Variants in FLNA observed in about 807,000 individuals in gnomAD.
The protein encoded by FLNA is filamin A.
FLNA carries 7 observed loss-of-function variants against 157.6 expected under a neutral mutation model. The ratio of observed to expected loss-of-function variants is 0.04; its 90% CI spans 0.03 to 0.08. FLNA has a LOEUF of 0.08. Among genes scored for constraint, FLNA ranks in the 10% least tolerant of loss-of-function variants. The pLI is 1.00. For missense variants in FLNA, 1,750 were observed against 2,398.4 expected, an observed-to-expected ratio of 0.73 and a Z score of 5.65; for synonymous variants, 1,103 against 1,060.8, an observed-to-expected ratio of 1.04 and a Z score of -0.77.
In FLNA at chrX:154,351,038, A is replaced by G; in HGVS notation, c.7027T>C (p.Ser2343Pro). The stretch of plus-strand genomic sequence containing the variant: ...GCTGGCTGGTTGACCTTTAGCCCTG[A>G]CTCCTGGAAGCACAGCAGACATGGT... ...RRLTVSSLQE[S>P]GLKVNQPASF... Residue 2343 changes from serine (S) to proline (P), a missense_variant, in exon 44 of 48, where the codon TCA becomes CCA. Ser to Pro is a moderately conservative substitution (Grantham distance 74, BLOSUM62 -1). This residue lies in a region of FLNA where 970 missense variants were observed against 1,302.6 expected (regional missense o/e 0.74). Transcript: ENST00000369850. 8.3e-7 allele frequency: 1 copy of G among 1,210,229 alleles called. No homozygotes were observed.
chrX:154,350,047 C>T lies in FLNA; in HGVS notation c.7317G>A (p.Leu2439=). The change falls in exon 45 of 48, where the codon CTG becomes CTA. Residue 2439 remains leucine (L), a synonymous_variant. Transcript: ENST00000369850. ...CAGACTTACCTGTGACACCGCCTTC[C>T]AGACCTGCTCCGTAAGCAGACACCA... ...PGLVSAYGAG[L]EGGVTGNPAE... 1 of 1,211,874 alleles carries T rather than the reference C, an allele frequency of 8.3e-7. No individual in the cohort carries two copies. The highest frequency in any genetic ancestry group is 1.1e-6 in the Non-Finnish European group (1 of 895,491).
chrX:154,364,241 C>T lies in FLNA; in HGVS notation c.2136+18G>A. ...GTGCCCACACCTGCCCTGCCCCCAACACCCGTGGGTGCTCTACCTGGACTT... is the reference window on the plus strand; with the variant it reads ...GTGCCCACACCTGCCCTGCCCCCAATACCCGTGGGTGCTCTACCTGGACTT... On this transcript the variant is annotated intron_variant, in intron 14 of 47. Transcript: ENST00000369850. 3 of 1,208,017 alleles carry T rather than the reference C, an allele frequency of 2.5e-6. 1 individual carries two copies. In the South Asian group the frequency reaches 5.3e-5, roughly 21 times the overall value.
rs1557179393 is a variant in FLNA at position 154,366,798 on chromosome X, C to T, written c.921G>A (p.Glu307=). The T allele has an allele frequency of 8.3e-7, 1 of 1,210,600 alleles. No homozygotes were observed. The highest frequency in any genetic ancestry group is 1.7e-5 in the African/African-American group (1 of 57,435). ...CCTCTCCCTGGCCAGCACTTCTGGT[C>T]TCCACAGTGAACTCTGCCCGCTTCT... ...MVKKRAEFTV[E]TRSAGQGEVL... Residue 307 remains glutamate, a synonymous_variant, in exon 6 of 48, where the codon GAG becomes GAA. Transcript: ENST00000369850.
intron 47 of FLNA, 61 bp from the exon 48 acceptor site, chrX:154,349,097 C>T: frequency 3.7e-6 from 4 of 1,075,621 alleles, no homozygotes; most frequent in Non-Finnish European, 3.8e-6. Context: ...TGGTGTCCTG[C>T]TCTCCTCTCC....
At position 154,366,013 on chromosome X, in the gene FLNA, G is replaced by A; in HGVS notation, c.1429+11C>T. On this transcript the variant is annotated intron_variant, in intron 9 of 47. Coordinates refer to ENST00000369850, the MANE Select transcript of FLNA (RefSeq NM_001110556.2). ...AGTGCCACAGCAGAGGGCAGTCAGG[G>A]CCGGGCCTACCTTGGCCAACAGTGA... 1.7e-6 allele frequency: 2 copies of A among 1,192,722 alleles called. No individual in the cohort carries two copies. Among genetic ancestry groups the A allele is most frequent in the Non-Finnish European group, 2.3e-6 (2 of 884,190 alleles).
rs886039148 is a variant in FLNA, at chrX:154,349,510, G to A, written c.7608C>T (p.Asp2536=). The A allele has an allele frequency of 8.2e-7, 1 of 1,212,407 alleles. No homozygotes were observed. The highest frequency in any genetic ancestry group is 1.8e-5 in the South Asian group (1 of 57,070). Residue 2536 remains aspartate, a synonymous_variant, in exon 47 of 48, where the codon GAC becomes GAT. Transcript: ENST00000369850. The part of the protein sequence containing the change: ...SLHETSSVFV[D]SLTKATCAPQ... Reference sequence around the variant, plus strand: ...GGGCACAGGTGGCCTTGGTCAGAGAGTCTACAAACACTGATGATGTCTCGT... The same window carrying A: ...GGGCACAGGTGGCCTTGGTCAGAGAATCTACAAACACTGATGATGTCTCGT...
rs2067712757 is a variant in FLNA at position 154,361,720 on chromosome X, A to G, written c.2894T>C (p.Val965Ala). The G allele has an allele frequency of 8.3e-7, 1 of 1,208,835 alleles. No homozygotes were observed. Among genetic ancestry groups the G allele is most frequent in the Non-Finnish European group, 1.1e-6 (1 of 894,578 alleles). The change falls in exon 20 of 48, where the codon GTA (valine) becomes GCA (alanine). Residue 965 changes from valine to alanine, a missense_variant. By Grantham distance (64) the Val-to-Ala change is moderately conservative. This residue lies in a region of FLNA where 648 missense variants were observed against 805.8 expected (regional missense o/e 0.80). Coordinates refer to ENST00000369850, the MANE Select transcript of FLNA (RefSeq NM_001110556.2). ...CTTGCTGAGGTCCAGGCTTGGAGAT[A>G]CTGCCACTGAGAAAGGGCTCTTAGG... is the stretch of plus-strand genomic sequence containing the variant. The part of the protein sequence containing the change: ...PIPKSPFSVA[V>A]SPSLDLSKIK...
At position 154,357,236 on chromosome X, in the gene FLNA, C is replaced by A; in HGVS notation, c.4969+15G>T. The stretch of plus-strand genomic sequence containing the variant: ...GCAGGAGGGGCATTGGGAGTGGCCC[C>A]AGCAAGCAGCTTACCTAGCCCGTGA... On this transcript the variant is annotated intron_variant, in intron 30 of 47. Transcript: ENST00000369850. 8.3e-7 allele frequency: 1 copy of A among 1,208,730 alleles called. No homozygotes were observed. The highest frequency in any genetic ancestry group is 1.1e-6 in the Non-Finnish European group (1 of 893,167).
Position 154,349,804 on chromosome X carries a change from A to G in FLNA, c.7397T>C (p.Ile2466Thr). 2 of 1,211,527 alleles carry G rather than the reference A, an allele frequency of 1.7e-6. No homozygotes were observed. Among genetic ancestry groups the G allele is most frequent in the Non-Finnish European group, 1.1e-6 (1 of 895,433 alleles). The change falls in exon 46 of 48, where the codon ATT (isoleucine) becomes ACT (threonine). Residue 2466 changes from isoleucine to threonine, a missense_variant. Physicochemically the swap from Ile to Thr is moderately conservative, Grantham distance 89. This residue lies in a region of FLNA where 970 missense variants were observed against 1,302.6 expected (regional missense o/e 0.74). Transcript: ENST00000369850. ...NAGAGALSVT[I>T]DGPSKVKMDC... Reference sequence around the variant, plus strand: ...CATCTTCACCTTGGAGGGGCCGTCAATGGTCACCGACAGGGCACCAGCTCC... The same window carrying G: ...CATCTTCACCTTGGAGGGGCCGTCAGTGGTCACCGACAGGGCACCAGCTCC...
Position 154,358,186 on chromosome X carries a change from G to C in FLNA, c.4755+13C>G. On this transcript the variant is annotated intron_variant, in intron 28 of 47. Transcript: ENST00000369850. ...AGGCCCCCCTGCCTCCCCTGCCTGT[G>C]CCCGGAGCTCACCGTGATCTGGACA... 1 of 1,209,120 alleles carries C rather than the reference G, an allele frequency of 8.3e-7. No individual in the cohort carries two copies. Among genetic ancestry groups the C allele is most frequent in the Non-Finnish European group, 1.1e-6 (1 of 894,602 alleles).
chrX:154,366,877 G>A (rs2067766410), intron 5 of FLNA, 27 bp from the exon 6 acceptor site: 9 of 1,132,143 alleles, frequency 7.9e-6, no homozygotes, highest in African/African-American at 5.4e-5. Context: ...AGCCAACCAC[G>A]GGCCAGCTGT....
At position 154,368,044 on chromosome X, in the gene FLNA, G is replaced by A; in HGVS notation, c.420C>T (p.Leu140=). The A allele has an allele frequency of 8.3e-7, 1 of 1,207,132 alleles. No homozygotes were observed. Among genetic ancestry groups the A allele is most frequent in the South Asian group, 1.8e-5 (1 of 56,864 alleles). Reference sequence around the variant, plus strand: ...AGTAGTGCAGGATCAGGGTCCAGATGAGGCCCAGGATCAGCTTCAGGTTCC... The same window carrying A: ...AGTAGTGCAGGATCAGGGTCCAGATAAGGCCCAGGATCAGCTTCAGGTTCC... ...VDGNLKLILG[L]IWTLILHYSI... is the part of the protein sequence containing the mutation. The change falls in exon 3 of 48, where the codon CTC becomes CTT. Residue 140 remains leucine (L), a synonymous_variant. Coordinates refer to ENST00000369850, the MANE Select transcript of FLNA (RefSeq NM_001110556.2).
intron 29 of FLNA, 53 bp from the exon 30 acceptor site, chrX:154,357,327 G>T: frequency 8.4e-7 from 1 of 1,197,271 alleles, no homozygotes. Flanking sequence ...TCACTCAAGG[G>T]GGCGGCCCCC....
chrX:154,370,804 G>A (rs1210315191), intron 2 of FLNA, 69 bp downstream of exon 2: 103 of 1,137,613 alleles, frequency 9.1e-5, no homozygotes, highest in Admixed American at 1.2e-4. Flanking sequence ...GGAGGGGTCC[G>A]CCCGGGGAGA....
rs1372534784 is a variant in FLNA at position 154,351,263 on chromosome X, A to G, written c.7024-222T>C. 5.5e-5 allele frequency: 25 copies of G among 456,553 alleles called. 1 individual carries two copies. In the South Asian group the frequency reaches 6.6e-4, roughly 12 times the overall value. 37.6% of individuals were successfully genotyped at this position (456,553 alleles called of 1,213,427 possible). The stretch of plus-strand genomic sequence containing the variant: ...CCGTCGCACACACCCAGGTGGCAGG[A>G]AGGGAGGGCTGCCCCACCCTGTGGG... On this transcript the variant is annotated intron_variant, in intron 43 of 47. Coordinates refer to ENST00000369850, the MANE Select transcript of FLNA (RefSeq NM_001110556.2).
chrX:154,361,128 G>A (rs2067707245), intron 21 of FLNA, among the ~76,000 whole-genome samples, 180 bp downstream of exon 21: 1 of 96,930 alleles, frequency 1.0e-5, no homozygotes, highest in Non-Finnish European at 2.1e-5. Context: ...GACTTTTTGT[G>A]GGTTTCTATT....
intron 35 of FLNA, 83 bp downstream of exon 35, chrX:154,353,832 C>A (rs1557176298): frequency 8.3e-7 from 1 of 1,197,709 alleles, no homozygotes. Flanking sequence ...GAGCCCCATT[C>A]AGGAGTATCT....
Position 154,358,519 on chromosome X carries a change from G to T in FLNA, c.4524C>A (p.Thr1508=). ...DVVDNADGTQ[T]VNYVPSREGP... is the part of the protein sequence containing the mutation. Reference sequence around the variant, plus strand: ...CTTCTCGGCTGGGCACATAATTGACGGTCTGGGTGCCATCAGCGTTGTCTA... The same window carrying T: ...CTTCTCGGCTGGGCACATAATTGACTGTCTGGGTGCCATCAGCGTTGTCTA... Residue 1508 remains threonine (T), a synonymous_variant, in exon 27 of 48, where the codon ACC becomes ACA. Coordinates refer to ENST00000369850, the MANE Select transcript of FLNA (RefSeq NM_001110556.2). The T allele has an allele frequency of 1.7e-6, 2 of 1,209,420 alleles. No homozygotes were observed. Among genetic ancestry groups the T allele is most frequent in the Non-Finnish European group, 2.2e-6 (2 of 893,944 alleles).
rs368292402 is a variant in FLNA at position 154,370,863 on chromosome X, C to T, written c.373+10G>A. 1.6e-4 allele frequency: 188 copies of T among 1,206,502 alleles called. No individual in the cohort carries two copies. The highest frequency in any genetic ancestry group is 2.1e-4 in the Non-Finnish European group (184 of 892,821). ...CCCCCGCCCGCCCGGCGCTTCGGGG[C>T]GTCCCTCACCGATGGACACCAGTTT... On this transcript the variant is annotated intron_variant, in intron 2 of 47. Transcript: ENST00000369850.
Sources: allele counts gnomAD v4.1 joint callset (sites outside exome capture counted in the v4.1 genomes callset), GRCh38; gene constraint gnomAD v4.1.1; regional missense constraint gnomAD v4.1.1; transcripts MANE v1.5; gene names NCBI Gene and HGNC (gene_info 2026-07-23, HGNC 2026-07-21).